The following RNF144A variants were observed in gnomAD, a reference collection of about 807,000 sequenced individuals.
The protein encoded by RNF144A is ring finger protein 144A, also known as E3 ubiquitin-protein ligase RNF144A.
RNF144A carries 11 observed loss-of-function variants against 38.7 expected under a neutral mutation model. That is an observed-to-expected ratio of 0.28 (90% CI 0.18 to 0.47). RNF144A has a LOEUF of 0.47. Among genes scored for constraint, RNF144A ranks in the 20% least tolerant of loss-of-function variants. The probability of loss-of-function intolerance (pLI) is 0.99; values close to 1 mark genes in which losing one functional copy is unlikely to be tolerated. For synonymous variants in RNF144A, 149 were observed against 143.9 expected, an observed-to-expected ratio of 1.04 and a Z score of -0.25; for missense variants, 316 against 377.2, an observed-to-expected ratio of 0.84 and a Z score of 1.34.
At chr2:7,028,047 T>C (rs1672036418) in intron 7 of RNF144A, among the ~76,000 whole-genome samples, 1 of 152,062 alleles carries the variant, frequency 6.6e-6, no homozygotes, top group Non-Finnish European at 1.5e-5. Context: ...ACGAGCCCCA[T>C]AAGGCACGAT....
intron 2 of RNF144A, among the ~76,000 whole-genome samples, chr2:6,980,168 G>T (rs1668544533): frequency 6.6e-6 from 1 of 152,118 alleles, no homozygotes; most frequent in Non-Finnish European, 1.5e-5. Flanking sequence ...GATTTGGGTG[G>T]GGATGCAGAG....
chr2:6,924,513 G>A (rs1664743108), intron 1 of RNF144A, among the ~76,000 whole-genome samples: 1 of 152,208 alleles, frequency 6.6e-6, no homozygotes, highest in African/African-American at 2.4e-5. Flanking sequence ...AGAGAAGGGG[G>A]TGCTCTGAGC....
At chr2:6,949,644 C>T (rs1378261418) in intron 2 of RNF144A, among the ~76,000 whole-genome samples, 1 of 152,100 alleles carries the variant, frequency 6.6e-6, no homozygotes, top group Non-Finnish European at 1.5e-5. Context: ...GTGGACGTCA[C>T]CCAGAACTTC....
At chr2:6,956,838 G>A (rs1211931630) in intron 2 of RNF144A, among the ~76,000 whole-genome samples, 1 of 152,176 alleles carries the variant, frequency 6.6e-6, no homozygotes, top group Non-Finnish European at 1.5e-5. Flanking sequence ...CAGGGCACTT[G>A]CAAATTATTA....
At chr2:6,968,945 G>T (rs77550819) in intron 2 of RNF144A, among the ~76,000 whole-genome samples, 1 of 152,160 alleles carries the variant, frequency 6.6e-6, no homozygotes, top group Non-Finnish European at 1.5e-5. Context: ...TGAGGTCTCG[G>T]GCTCAGAGCC....
intron 2 of RNF144A, among the ~76,000 whole-genome samples, chr2:6,993,021 G>A (rs952032034): frequency 2.0e-5 from 3 of 152,176 alleles, no homozygotes; most frequent in African/African-American, 7.2e-5. Context: ...ATTGTGCATT[G>A]TGATTCTCTT....
intron 6 of RNF144A, among the ~76,000 whole-genome samples, chr2:7,063,839 A>T (rs1414528212): frequency 6.6e-6 from 1 of 152,266 alleles, no homozygotes; most frequent in Admixed American, 6.5e-5. Flanking sequence ...TTGACAAATT[A>T]TGCTTCATAA....
At chr2:6,935,597 C>T (rs1665520743) in intron 1 of RNF144A, among the ~76,000 whole-genome samples, 1 of 151,694 alleles carries the variant, frequency 6.6e-6, no homozygotes. Context: ...ACCTTGTGAG[C>T]TCATTTGGCT....
intron 1 of RNF144A, among the ~76,000 whole-genome samples, chr2:6,938,325 G>T (rs1354589977): frequency 7.2e-6 from 1 of 139,474 alleles, no homozygotes; most frequent in Non-Finnish European, 1.5e-5. Context: ...TTGGCTCACT[G>T]CAACCTCTGC....
chr2:6,972,566 T>G (rs1274657055), intron 2 of RNF144A, among the ~76,000 whole-genome samples: 1 of 152,200 alleles, frequency 6.6e-6, no homozygotes, highest in Non-Finnish European at 1.5e-5. Flanking sequence ...ATCCTTTTCC[T>G]TTTTTGGTTC....
chr2:7,020,828 G>A, intron 6 of RNF144A, 148 bp downstream of exon 6: 2 of 664,546 alleles, frequency 3.0e-6, no homozygotes, highest in Admixed American at 2.7e-5. Context: ...CCTCACTCAA[G>A]CCTGTCATTA....
intron 2 of RNF144A, among the ~76,000 whole-genome samples, chr2:6,957,680 C>G (rs1322183568): frequency 2.0e-5 from 3 of 152,240 alleles, no homozygotes; most frequent in Non-Finnish European, 4.4e-5. Context: ...ACTGTAATCT[C>G]TCTAAATACT....
At chr2:7,060,099 T>C (rs1371881761) in intron 6 of RNF144A, among the ~76,000 whole-genome samples, 2 of 152,154 alleles carry the variant, frequency 1.3e-5, no homozygotes, top group East Asian at 3.9e-4. Flanking sequence ...AGAATGAATC[T>C]TCTAGAGTGA....
chr2:7,022,091 C>A (rs1023186329), intron 6 of RNF144A, among the ~76,000 whole-genome samples: 1 of 152,256 alleles, frequency 6.6e-6, no homozygotes, highest in African/African-American at 2.4e-5. Flanking sequence ...GCCAGCGTAG[C>A]AGAGCCCCAG....
intron 8 of RNF144A, 109 bp from the exon 9 acceptor site, chr2:7,039,520 G>GTGGATGGA (rs530628262): frequency 6.6e-7 from 1 of 1,523,132 alleles, no homozygotes; most frequent in East Asian, 2.3e-5. Context: ...GGATGGTTGG[G>GTGGATGGA]TGGATGGATG....
intron 3 of RNF144A, among the ~76,000 whole-genome samples, chr2:6,999,331 C>G (rs899050975): frequency 6.6e-6 from 1 of 152,276 alleles, no homozygotes; most frequent in South Asian, 2.1e-4. Flanking sequence ...GTGCCCTGGT[C>G]GCTTTGGTGG....
In RNF144A at chr2:7,003,329, C is replaced by T. The variant is rs187686338; in HGVS notation, c.135+6268C>T. On this transcript the variant is annotated intron_variant, in intron 3 of 8. Coordinates refer to ENST00000320892, the MANE Select transcript of RNF144A (RefSeq NM_014746.6). ...GCTGGGCCTTCACATTCACTCACCA[C>T]TCACTCACCCGGAGTAGCTCCCAGT... Among the ~76,000 whole-genome samples the T allele has an allele frequency of 2.6e-5, 4 of 152,310 alleles. No homozygotes were observed. In the East Asian group the frequency reaches 7.7e-4, roughly 29 times the overall value.
At chr2:7,005,079 C>G (rs1043126342) in intron 3 of RNF144A, among the ~76,000 whole-genome samples, 2 of 152,142 alleles carry the variant, frequency 1.3e-5, no homozygotes, top group Non-Finnish European at 2.9e-5. Context: ...ATCATAGCGT[C>G]GTCAGATTAA....
intron 5 of RNF144A, among the ~76,000 whole-genome samples, chr2:7,015,027 C>T (rs1572404687): frequency 6.6e-6 from 1 of 152,134 alleles, no homozygotes; most frequent in East Asian, 1.9e-4. Flanking sequence ...GATTGAGGCT[C>T]CTGGGGGAGG....
Sources: allele counts gnomAD v4.1 joint callset (sites outside exome capture counted in the v4.1 genomes callset), GRCh38; gene constraint gnomAD v4.1.1; transcripts MANE v1.5; gene names NCBI Gene and HGNC (gene_info 2026-07-23, HGNC 2026-07-21).